AFG1L: variants seen among roughly 807,000 people sequenced by gnomAD.
AFG1L encodes AFG1-like ATPase.
A neutral mutation model predicts 62.2 loss-of-function variants in AFG1L; 53 were observed. The ratio of observed to expected loss-of-function variants is 0.85; its 90% confidence interval spans 0.68 to 1.07. The LOEUF (loss-of-function observed/expected upper bound fraction) is 1.07, where lower values mean the gene tolerates loss of function less well. AFG1L is among the 50% of genes least tolerant of loss of function. AFG1L has a pLI of 0.00. For synonymous variants in AFG1L, 228 were observed against 210.3 expected, an observed-to-expected ratio of 1.08 and a Z score of -0.73; for missense variants, 555 against 590.5, an observed-to-expected ratio of 0.94 and a Z score of 0.62.
At chr6:108,296,461 A>G (rs1023098894) in intron 1 of AFG1L, among the ~76,000 whole-genome samples, 1 of 152,176 alleles carries the variant, frequency 6.6e-6, no homozygotes, top group African/African-American at 2.4e-5. Context: ...TTAGCTGCTT[A>G]GTTTTTCTCC....
chr6:108,504,142 CT>C (rs1325289585), intron 10 of AFG1L, among the ~76,000 whole-genome samples: 3 of 152,228 alleles, frequency 2.0e-5, no homozygotes, highest in Non-Finnish European at 4.4e-5. Flanking sequence ...TGGAGTAGCA[CT>C]TTTTATTTCC....
At chr6:108,468,265 AAT>A in intron 8 of AFG1L, among the ~76,000 whole-genome samples, 1 of 152,272 alleles carries the variant, frequency 6.6e-6, no homozygotes, top group Middle Eastern at 3.4e-3. Context: ...GTACATGGGA[AAT>A]ATATATTTTG....
At chr6:108,394,042 T>TTCCC (rs1415148334) in intron 6 of AFG1L, among the ~76,000 whole-genome samples, 1 of 146,602 alleles carries the variant, frequency 6.8e-6, no homozygotes, top group Non-Finnish European at 1.5e-5. Flanking sequence ...TCCCCTTCCC[T>TTCCC]TCCCTCCCTC....
In AFG1L at chr6:108,366,237, C is replaced by T; in HGVS notation, c.653C>T (p.Thr218Ile). Reference protein sequence around the residue: ...CLLCFDEFQVTDIADAMILKQ... With the variant: ...CLLCFDEFQVIDIADAMILKQ... ...CAAATGTGTTGTTGTCAATAGGTCA[C>T]TGACATTGCTGATGCCATGATTCTG... The change falls in exon 6 of 13, where the codon ACT becomes ATT. Residue 218 changes from threonine to isoleucine, a missense_variant. By Grantham distance (89) the Thr-to-Ile change is moderately conservative. Transcript: ENST00000368977. 1 of 1,596,550 alleles carries T rather than the reference C, an allele frequency of 6.3e-7. No individual in the cohort carries two copies. Among genetic ancestry groups the T allele is most frequent in the East Asian group, 2.2e-5 (1 of 44,732 alleles).
intron 7 of AFG1L, among the ~76,000 whole-genome samples, chr6:108,444,346 T>C (rs1474115627): frequency 6.6e-6 from 1 of 152,206 alleles, no homozygotes; most frequent in Non-Finnish European, 1.5e-5. Context: ...TGAGTGGTCA[T>C]CTTTTTGCTG....
chr6:108,494,617 AT>A (rs1170633889), intron 10 of AFG1L, among the ~76,000 whole-genome samples: 1 of 151,912 alleles, frequency 6.6e-6, no homozygotes, highest in African/African-American at 2.4e-5. Flanking sequence ...AATTGGTGAT[AT>A]TTTCTAGAAT....
intron 10 of AFG1L, among the ~76,000 whole-genome samples, chr6:108,500,389 A>G (rs780414191): frequency 2.0e-5 from 3 of 152,186 alleles, no homozygotes; most frequent in Non-Finnish European, 4.4e-5. Flanking sequence ...ACCAAACTAC[A>G]TATCGATGCT....
chr6:108,405,453 C>A (rs964482372), intron 7 of AFG1L, among the ~76,000 whole-genome samples: 27 of 152,028 alleles, frequency 1.8e-4, no homozygotes, highest in African/African-American at 6.3e-4. Flanking sequence ...CTCAGGTGAT[C>A]CTCCTGCCCC....
At chr6:108,481,460 T>G (rs1046123830) in intron 10 of AFG1L, among the ~76,000 whole-genome samples, 1 of 152,150 alleles carries the variant, frequency 6.6e-6, no homozygotes, top group African/African-American at 2.4e-5. Flanking sequence ...TAACACTTCT[T>G]GGCTTTTTCA....
intron 7 of AFG1L, among the ~76,000 whole-genome samples, chr6:108,445,739 C>T (rs1771757811): frequency 1.3e-5 from 2 of 151,544 alleles, no homozygotes; most frequent in East Asian, 2.1e-4. Context: ...TAAGTTCACC[C>T]TCTTCTATGG....
At chr6:108,310,989 TA>T in intron 1 of AFG1L, among the ~76,000 whole-genome samples, 1 of 152,352 alleles carries the variant, frequency 6.6e-6, no homozygotes, top group South Asian at 2.1e-4. Flanking sequence ...ATTAAGATAG[TA>T]AAATGTGTTT....
chr6:108,412,266 GA>G (rs1003766339), intron 7 of AFG1L, among the ~76,000 whole-genome samples: 5 of 152,330 alleles, frequency 3.3e-5, no homozygotes, highest in African/African-American at 1.2e-4. Flanking sequence ...GGGACTATGT[GA>G]AAAGACCAAA....
rs376311912 is a variant in AFG1L, at chr6:108,520,749, A to G, written c.1317+939A>G. On this transcript the variant is annotated intron_variant, in intron 12 of 12. Transcript: ENST00000368977. ...AGTCTGCTATAACAAAACACCATGAACTGGGTAGCTTACAGACAACAGAAA... is the reference window on the plus strand; with the variant it reads ...AGTCTGCTATAACAAAACACCATGAGCTGGGTAGCTTACAGACAACAGAAA... The G allele has an allele frequency of 2.0e-5, 3 of 152,282 alleles. No individual in the cohort carries two copies. The East Asian group carries it at 5.8e-4, about 29-fold the overall frequency. The allele number at this position is 152,282 out of a possible 1,614,324, so 9.4% of individuals were successfully genotyped here.
chr6:108,359,396 T>C (rs1779434904), intron 5 of AFG1L: 1 of 152,256 alleles, frequency 6.6e-6, no homozygotes, highest in East Asian at 1.9e-4. Flanking sequence ...ATGTTGAGTG[T>C]AAGGGAGATC....
chr6:108,391,709 C>T (rs1194947316), intron 6 of AFG1L, among the ~76,000 whole-genome samples: 2 of 152,046 alleles, frequency 1.3e-5, no homozygotes, highest in African/African-American at 4.8e-5. Flanking sequence ...TTGTCTAAGC[C>T]AATGTCTAGA....
At chr6:108,344,641 T>C (rs775692054) in intron 2 of AFG1L, 4 of 457,746 alleles carry the variant, frequency 8.7e-6, no homozygotes, top group Admixed American at 2.5e-5. Flanking sequence ...CCCTGAAAGC[T>C]AGGTTTTGAG....
chr6:108,308,657 G>A (rs1393888067), intron 1 of AFG1L, among the ~76,000 whole-genome samples: 1 of 151,538 alleles, frequency 6.6e-6, no homozygotes, highest in Non-Finnish European at 1.5e-5. Context: ...AGGACTCTAG[G>A]GTTGTGCCCA....
intron 8 of AFG1L, among the ~76,000 whole-genome samples, chr6:108,467,845 T>A (rs1400681086): frequency 6.6e-6 from 1 of 152,242 alleles, no homozygotes; most frequent in East Asian, 1.9e-4. Context: ...GGTTTCAGGA[T>A]ATTTTTTAAG....
chr6:108,346,275 A>G (rs979913453), intron 2 of AFG1L, among the ~76,000 whole-genome samples: 1 of 152,128 alleles, frequency 6.6e-6, no homozygotes, highest in Non-Finnish European at 1.5e-5. Flanking sequence ...CTCCAGAACT[A>G]CTTTCATCTT....
Sources: gnomAD v4.1 joint callset for allele counts (sites outside exome capture counted in the v4.1 genomes callset) on GRCh38, gnomAD v4.1.1 for gene constraint, MANE v1.5 for transcripts, NCBI Gene and HGNC (gene_info 2026-07-23, HGNC 2026-07-21) for gene names.